TRIO: variants seen among roughly 807,000 people sequenced by gnomAD.
TRIO encodes the protein triple functional domain protein.
A neutral mutation model predicts 351.9 loss-of-function variants in TRIO; 58 were observed. The observed-to-expected ratio is 0.16, with a 90% CI of 0.13 to 0.21. The LOEUF is 0.21. Ranked by LOEUF, TRIO falls within the 10% of genes least tolerant of loss-of-function variation. TRIO has a pLI of 1.00. For missense variants in TRIO, 3,201 were observed against 4,027.8 expected, an observed-to-expected ratio of 0.79 and a Z score of 5.56; for synonymous variants, 1,758 against 1,595.7, an observed-to-expected ratio of 1.10 and a Z score of -2.42.
At chr5:14,441,354 G>A (rs1239743082) in intron 34 of TRIO, 2 of 154,610 alleles carry the variant, frequency 1.3e-5, no homozygotes, top group Non-Finnish European at 1.5e-5. Flanking sequence ...CTGGATCCTC[G>A]ACCTAGGTAC....
chr5:14,437,417 A>G (rs756164985), intron 34 of TRIO, among the ~76,000 whole-genome samples: 1 of 152,148 alleles, frequency 6.6e-6, no homozygotes. Context: ...CTGCGTATTT[A>G]TATTCCATTT....
At chr5:14,389,255 AT>A (rs750732636) in intron 24 of TRIO, 33 bp from the exon 25 acceptor site, 13 of 1,513,432 alleles carry the variant, frequency 8.6e-6, no homozygotes, top group Non-Finnish European at 1.2e-5. Context: ...TATGGTGATT[AT>A]TTTTGTCTAA....
At chr5:14,501,723 G>A (rs1026603393) in intron 53 of TRIO, among the ~76,000 whole-genome samples, 3 of 152,226 alleles carry the variant, frequency 2.0e-5, no homozygotes, top group Non-Finnish European at 4.4e-5. Context: ...GTGAAGATAG[G>A]GATGGGCAGA....
intron 34 of TRIO, among the ~76,000 whole-genome samples, chr5:14,438,891 T>G (rs2126319508): frequency 6.6e-6 from 1 of 152,382 alleles, no homozygotes; most frequent in Non-Finnish European, 1.5e-5. Flanking sequence ...CTGTCCCATC[T>G]GACACGCTCT....
chr5:14,411,970 G>GT (rs983108790), intron 33 of TRIO, among the ~76,000 whole-genome samples: 6 of 148,614 alleles, frequency 4.0e-5, no homozygotes, highest in African/African-American at 7.5e-5. Flanking sequence ...TCTATGTGTT[G>GT]TTTTTTTTCT....
intron 34 of TRIO, among the ~76,000 whole-genome samples, chr5:14,421,639 A>G (rs894690760): frequency 7.3e-5 from 11 of 150,230 alleles, no homozygotes; most frequent in Non-Finnish European, 1.3e-4. Flanking sequence ...GTTCCCTTGC[A>G]GTGTTAGGAG....
chr5:14,342,596 C>A (rs1206141992), intron 11 of TRIO, among the ~76,000 whole-genome samples: 1 of 152,242 alleles, frequency 6.6e-6, no homozygotes, highest in African/African-American at 2.4e-5. Context: ...TTATCCCAGT[C>A]TCTCATGCGC....
chr5:14,195,011 G>GT (rs1414451454), intron 1 of TRIO, among the ~76,000 whole-genome samples: 1 of 149,400 alleles, frequency 6.7e-6, no homozygotes, highest in East Asian at 2.0e-4. Flanking sequence ...ATATTTCAGT[G>GT]TATTTTTTTT....
At chr5:14,445,983 G>A (rs561936491) in intron 34 of TRIO, among the ~76,000 whole-genome samples, 10 of 152,326 alleles carry the variant, frequency 6.6e-5, no homozygotes, top group Admixed American at 3.9e-4. Flanking sequence ...TGTCGCCTCC[G>A]GTCTGTGGCC....
intron 1 of TRIO, among the ~76,000 whole-genome samples, chr5:14,159,212 T>A (rs568700191): frequency 6.6e-6 from 1 of 152,246 alleles, no homozygotes; most frequent in Admixed American, 6.5e-5. Flanking sequence ...TCACCTCTAT[T>A]TGAAGGAGGG....
At chr5:14,455,479 G>A (rs1753214065) in intron 34 of TRIO, among the ~76,000 whole-genome samples, 1 of 151,950 alleles carries the variant, frequency 6.6e-6, no homozygotes, top group Admixed American at 6.5e-5. Context: ...GTGCTGATTG[G>A]TGCATTTACA....
At chr5:14,163,894 C>T (rs1176187801) in intron 1 of TRIO, among the ~76,000 whole-genome samples, 1 of 152,146 alleles carries the variant, frequency 6.6e-6, no homozygotes, top group Non-Finnish European at 1.5e-5. Context: ...TTTCATGAGC[C>T]TCATTTCTTA....
At chr5:14,264,793 C>T (rs546554099) in intron 1 of TRIO, among the ~76,000 whole-genome samples, 2 of 152,186 alleles carry the variant, frequency 1.3e-5, no homozygotes, top group East Asian at 1.9e-4. Flanking sequence ...GTGGCCGGCC[C>T]GGAGAGGGTG....
chr5:14,240,203 GT>G (rs1794044412), intron 1 of TRIO, among the ~76,000 whole-genome samples: 1 of 152,190 alleles, frequency 6.6e-6, no homozygotes, highest in South Asian at 2.1e-4. Context: ...GAAGCCTGAA[GT>G]TTATTTCCTT....
chr5:14,408,361 A>G (rs566200705), intron 33 of TRIO, among the ~76,000 whole-genome samples: 1 of 152,342 alleles, frequency 6.6e-6, no homozygotes, highest in Non-Finnish European at 1.5e-5. Context: ...TGGGTTCACT[A>G]AATAATAGAT....
intron 1 of TRIO, among the ~76,000 whole-genome samples, chr5:14,217,869 GTC>G (rs1157614059): frequency 6.6e-6 from 1 of 152,198 alleles, no homozygotes; most frequent in Non-Finnish European, 1.5e-5. Flanking sequence ...ATAGGAAAGT[GTC>G]TCTGTCTTTT....
intron 1 of TRIO, among the ~76,000 whole-genome samples, chr5:14,248,502 G>A (rs1012788676): frequency 1.3e-5 from 2 of 152,152 alleles, no homozygotes; most frequent in Admixed American, 6.5e-5. Context: ...AAATACACCC[G>A]GGGCCCCAGG....
intron 1 of TRIO, among the ~76,000 whole-genome samples, chr5:14,182,325 A>G (rs1284680563): frequency 6.6e-6 from 1 of 152,222 alleles, no homozygotes; most frequent in Non-Finnish European, 1.5e-5. Flanking sequence ...CTGAGAAAGC[A>G]TCTTGGTTCC....
intron 45 of TRIO, 49 bp from the exon 46 acceptor site, chr5:14,482,533 G>C: frequency 7.6e-7 from 1 of 1,324,472 alleles, no homozygotes; most frequent in South Asian, 2.2e-5. Context: ...AACTTAGAAG[G>C]CAATGTTTTC....
Sources: gnomAD v4.1 joint callset for allele counts (sites outside exome capture counted in the v4.1 genomes callset) on GRCh38, gnomAD v4.1.1 for gene constraint, MANE v1.5 for transcripts, NCBI Gene and HGNC (gene_info 2026-07-23, HGNC 2026-07-21) for gene names.